Variants in ZRANB3 observed in about 807,000 individuals in gnomAD.
The protein encoded by ZRANB3 is DNA annealing helicase and endonuclease ZRANB3.
A neutral mutation model predicts 133.8 loss-of-function variants in ZRANB3; 125 were observed. That is an observed-to-expected ratio of 0.93 (90% CI 0.81 to 1.08). ZRANB3 has a LOEUF of 1.08. Among genes scored for constraint, ZRANB3 ranks in the 50% least tolerant of loss-of-function variants. ZRANB3 has a pLI of 0.00. For synonymous variants in ZRANB3, 387 were observed against 432.7 expected, an observed-to-expected ratio of 0.89 and a Z score of 1.31; for missense variants, 1,229 against 1,275.5, an observed-to-expected ratio of 0.96 and a Z score of 0.56.
At chr2:135,516,819 G>A (rs1223003132) in intron 1 of ZRANB3, among the ~76,000 whole-genome samples, 1 of 152,160 alleles carries the variant, frequency 6.6e-6, no homozygotes, top group Non-Finnish European at 1.5e-5. Context: ...ATGTTGGCCT[G>A]TCTTGCTAGG....
chr2:135,391,769 C>G (rs565345947), intron 2 of ZRANB3, among the ~76,000 whole-genome samples: 11 of 151,820 alleles, frequency 7.2e-5, no homozygotes, highest in Non-Finnish European at 1.2e-4. Flanking sequence ...TTAGTAGAGA[C>G]GGGGTTTCAC....
At chr2:135,449,856 C>T (rs1690187755) in intron 2 of ZRANB3, among the ~76,000 whole-genome samples, 1 of 152,164 alleles carries the variant, frequency 6.6e-6, no homozygotes, top group Non-Finnish European at 1.5e-5. Context: ...CTCACAGACT[C>T]AAGCAATCCT....
chr2:135,362,113 G>T (rs566187335), intron 3 of ZRANB3, among the ~76,000 whole-genome samples: 1 of 151,546 alleles, frequency 6.6e-6, no homozygotes, highest in African/African-American at 2.4e-5. Context: ...CAGGAGAATG[G>T]CATGAACCTG....
At chr2:135,484,846 C>G (rs894718498) in intron 2 of ZRANB3, among the ~76,000 whole-genome samples, 1 of 151,448 alleles carries the variant, frequency 6.6e-6, no homozygotes, top group African/African-American at 2.4e-5. Context: ...TCAGCCTGGT[C>G]AATACAGTGA....
At chr2:135,510,989 C>G (rs879169661) in intron 1 of ZRANB3, 20 of 786,080 alleles carry the variant, frequency 2.5e-5, no homozygotes, top group African/African-American at 2.5e-4. Context: ...CCTCACAGAT[C>G]GGTCTGGGTC....
intron 6 of ZRANB3, among the ~76,000 whole-genome samples, chr2:135,331,261 G>A (rs1469660262): frequency 6.6e-6 from 1 of 152,086 alleles, no homozygotes; most frequent in East Asian, 1.9e-4. Context: ...GGTACGTTGT[G>A]CCTTTTTTCT....
At chr2:135,426,649 GA>G (rs1689081299) in intron 2 of ZRANB3, among the ~76,000 whole-genome samples, 1 of 150,544 alleles carries the variant, frequency 6.6e-6, no homozygotes, top group Non-Finnish European at 1.5e-5. Flanking sequence ...TTAACATGGT[GA>G]AACTCAATCT....
intron 3 of ZRANB3, among the ~76,000 whole-genome samples, chr2:135,384,033 C>T (rs1320293736): frequency 1.3e-5 from 2 of 151,930 alleles, no homozygotes; most frequent in Non-Finnish European, 2.9e-5. Flanking sequence ...AAAAACCCTT[C>T]AAAAAATCAA....
chr2:135,432,896 AC>A (rs1311485746), intron 2 of ZRANB3, among the ~76,000 whole-genome samples: 2 of 152,080 alleles, frequency 1.3e-5, no homozygotes, highest in African/African-American at 4.8e-5. Context: ...AATCTCCCTT[AC>A]CCCGACTTCA....
chr2:135,275,234 C>G (rs1467420254), intron 9 of ZRANB3, among the ~76,000 whole-genome samples: 6 of 130,912 alleles, frequency 4.6e-5, no homozygotes, highest in Non-Finnish European at 6.6e-5. Context: ...CCGGACGGGG[C>G]GGCTGGCCGG....
At chr2:135,209,021 A>T (rs1693995136) in intron 17 of ZRANB3, 43 bp from the exon 18 acceptor site, 1 of 1,567,430 alleles carries the variant, frequency 6.4e-7, no homozygotes, top group African/African-American at 1.4e-5. Context: ...TATCTCATAT[A>T]AAAATGTCTC....
intron 2 of ZRANB3, among the ~76,000 whole-genome samples, chr2:135,391,956 A>G (rs542529738): frequency 1.4e-4 from 22 of 152,268 alleles, no homozygotes; most frequent in African/African-American, 5.1e-4. Context: ...AATAAATTCT[A>G]TGCAATGATA....
chr2:135,344,520 G>A (rs947062145), intron 6 of ZRANB3, among the ~76,000 whole-genome samples: 2 of 152,172 alleles, frequency 1.3e-5, no homozygotes, highest in African/African-American at 4.8e-5. Context: ...CAAATCACCT[G>A]AGGTCAGGAG....
chr2:135,322,016 C>A (rs1428513634), intron 6 of ZRANB3, among the ~76,000 whole-genome samples: 2 of 152,082 alleles, frequency 1.3e-5, no homozygotes, highest in African/African-American at 4.8e-5. Flanking sequence ...AACCCAAAGT[C>A]CCAAATATAC....
chr2:135,511,492 T>C (rs1317688228), intron 1 of ZRANB3: 2 of 892,846 alleles, frequency 2.2e-6, no homozygotes, highest in East Asian at 2.4e-5. Flanking sequence ...CTCTACTACT[T>C]CTTCAGACTC....
At chr2:135,271,443 A>AT (rs1329834014) in intron 10 of ZRANB3, 13 of 477,400 alleles carry the variant, frequency 2.7e-5, no homozygotes, top group Non-Finnish European at 5.5e-5. Flanking sequence ...TAAGACAGGT[A>AT]TAAGAAAAGC....
chr2:135,507,789 T>C (rs773104065), intron 1 of ZRANB3, among the ~76,000 whole-genome samples: 4 of 151,896 alleles, frequency 2.6e-5, no homozygotes, highest in Non-Finnish European at 5.9e-5. Context: ...TCTTGTTGCT[T>C]ACAAAAGATC....
intron 6 of ZRANB3, among the ~76,000 whole-genome samples, chr2:135,324,857 T>C (rs1300030463): frequency 1.3e-5 from 2 of 152,146 alleles, no homozygotes; most frequent in African/African-American, 4.8e-5. Context: ...TTTTCATGTC[T>C]GTTGGCTGCA....
At chr2:135,203,109 G>A in intron 19 of ZRANB3, 146 bp from the exon 20 acceptor site, 1 of 955,794 alleles carries the variant, frequency 1.0e-6, no homozygotes, top group Non-Finnish European at 1.5e-6. Flanking sequence ...TTTATTGTGA[G>A]TAGAAAAAAC....
Sources: allele counts gnomAD v4.1 joint callset (sites outside exome capture counted in the v4.1 genomes callset), GRCh38; gene constraint gnomAD v4.1.1; transcripts MANE v1.5; gene names NCBI Gene and HGNC (gene_info 2026-07-23, HGNC 2026-07-21).